GREB1: variants seen among roughly 807,000 people sequenced by gnomAD.
GREB1 encodes protein GREB1.
In GREB1, 106 loss-of-function variants were observed where a neutral mutation model predicts 200.7. The observed-to-expected ratio is 0.53, with a 90% CI of 0.45 to 0.62. The LOEUF is 0.62. GREB1 is among the 20% of genes least tolerant of loss of function. GREB1 has a pLI of 0.00. For synonymous variants in GREB1, 1,132 were observed against 1,092.4 expected, an observed-to-expected ratio of 1.04 and a Z score of -0.72; for missense variants, 2,243 against 2,556.8, an observed-to-expected ratio of 0.88 and a Z score of 2.65.
chr2:11,491,105 G>T lies in GREB1; in HGVS notation c.-159+8724G>T, dbSNP rs144939196. ...GTGGGTGGAGAGGTCTCTCACTGGG[G>T]CTCTGATTTGCTGTGGTGTGGATTT... On this transcript the variant is annotated intron_variant, in intron 1 of 2. Coordinates refer to the GREB1 transcript ENST00000628795. Among the ~76,000 whole-genome samples, 48 of 152,252 alleles carry T rather than the reference G, an allele frequency of 3.2e-4. 1 individual carries two copies. The East Asian group carries it at 8.9e-3, about 28-fold the overall frequency.
rs115239340 is a variant in GREB1, at chr2:11,502,949, A to G, written c.-159+20568A>G. On this transcript the variant is annotated intron_variant, in intron 1 of 2. Coordinates refer to the GREB1 transcript ENST00000628795. Reference sequence around the variant, plus strand: ...AAGGGGTGGAATTGAGATTCATACGAAGTCCATCCGACCTCCAGGCTGTGT... The same window carrying G: ...AAGGGGTGGAATTGAGATTCATACGGAGTCCATCCGACCTCCAGGCTGTGT... Among the ~76,000 whole-genome samples the G allele has an allele frequency of 5.4e-3, 828 of 152,240 alleles. 10 individuals are homozygous for G. Among genetic ancestry groups the G allele is most frequent in the African/African-American group, 0.019 (796 of 41,558 alleles).
chr2:11,503,266 AC>A (rs909222095), intron 1 of GREB1, among the ~76,000 whole-genome samples: 8 of 152,230 alleles, frequency 5.3e-5, no homozygotes, highest in African/African-American at 1.9e-4. Flanking sequence ...AGATTTTCAC[AC>A]GTTTATTACA....
intron 7 of GREB1, among the ~76,000 whole-genome samples, chr2:11,582,505 G>A (rs995799650): frequency 2.0e-5 from 3 of 152,180 alleles, no homozygotes; most frequent in Non-Finnish European, 2.9e-5. Context: ...CTATTAAATC[G>A]CCTTTCTGAG....
intron 13 of GREB1, among the ~76,000 whole-genome samples, chr2:11,596,656 A>C: frequency 2.2e-5 from 1 of 45,284 alleles, no homozygotes; most frequent in African/African-American, 9.2e-5. Context: ...ATACAGTGAG[A>C]GTAGGTGGGG....
intron 17 of GREB1, among the ~76,000 whole-genome samples, chr2:11,603,960 T>A (rs771094995): frequency 1.3e-4 from 20 of 152,224 alleles, no homozygotes; most frequent in African/African-American, 4.8e-4. Flanking sequence ...CAGAGTCACA[T>A]GGGGGGTTTA....
In GREB1 at chr2:11,598,760, G is replaced by A. The variant is rs1460648912; in HGVS notation, c.2233G>A (p.Glu745Lys). Reference protein sequence around the residue: ...VEQYVLKLDTEAQTKFKAFLQ... With the variant: ...VEQYVLKLDTKAQTKFKAFLQ... The stretch of plus-strand genomic sequence containing the variant: ...ACAGTATGTTCTGAAGCTAGACACG[G>A]AGGCACAGACAAAATTTAAGGCTTT... Residue 745 changes from glutamate to lysine, a missense_variant, in exon 15 of 33, where the codon GAG (glutamate) becomes AAG (lysine). Coordinates refer to ENST00000381486, the MANE Select transcript of GREB1 (RefSeq NM_014668.4). 1.9e-6 allele frequency: 3 copies of A among 1,614,072 alleles called. No individual in the cohort carries two copies. Among genetic ancestry groups the A allele is most frequent in the Admixed American group, 1.7e-5 (1 of 60,004 alleles).
intron 4 of GREB1, among the ~76,000 whole-genome samples, chr2:11,571,753 C>T (rs1441788647): frequency 1.3e-5 from 2 of 152,136 alleles, no homozygotes; most frequent in African/African-American, 4.8e-5. Context: ...CTCTGTCTCC[C>T]AGGCTGGAGT....
At chr2:11,534,789 TCTTCTCCTGGA>T (rs1674216446) in intron 1 of GREB1, among the ~76,000 whole-genome samples, 1 of 152,210 alleles carries the variant, frequency 6.6e-6, no homozygotes, top group Non-Finnish European at 1.5e-5. Flanking sequence ...TTCTTCTGTT[TCTTCTCCTGGA>T]TGTTGTTTTC....
chr2:11,638,214 C>T (rs1685537064), intron 31 of GREB1, among the ~76,000 whole-genome samples: 1 of 152,226 alleles, frequency 6.6e-6, no homozygotes, highest in South Asian at 2.1e-4. Flanking sequence ...GATCTCAGCT[C>T]ACTGCAGTCT....
At chr2:11,593,173 T>A in intron 11 of GREB1, 47 bp downstream of exon 11, 1 of 1,312,030 alleles carries the variant, frequency 7.6e-7, no homozygotes, top group Non-Finnish European at 1.0e-6. Flanking sequence ...TGAACGGTGT[T>A]CCCGGTCCCC....
intron 1 of GREB1, among the ~76,000 whole-genome samples, chr2:11,550,137 G>C (rs1266442771): frequency 6.6e-6 from 1 of 152,208 alleles, no homozygotes; most frequent in Non-Finnish European, 1.5e-5. Context: ...AGAATCGCTT[G>C]AACCTGAGAG....
chr2:11,551,637 G>A (rs1451707324), intron 1 of GREB1, among the ~76,000 whole-genome samples: 10 of 152,098 alleles, frequency 6.6e-5, no homozygotes, highest in South Asian at 2.1e-4. Flanking sequence ...TGGAGTTTTC[G>A]TGCCTTTGCA....
chr2:11,541,422 G>A (rs1355981519), intron 1 of GREB1, among the ~76,000 whole-genome samples: 3 of 151,314 alleles, frequency 2.0e-5, no homozygotes, highest in East Asian at 2.0e-4. Flanking sequence ...GTGGGCATCC[G>A]CGAGTGAGTG....
At chr2:11,635,040 G>A (rs1292648940) in intron 29 of GREB1, among the ~76,000 whole-genome samples, 1 of 152,226 alleles carries the variant, frequency 6.6e-6, no homozygotes, top group Non-Finnish European at 1.5e-5. Flanking sequence ...TTAAGCATGA[G>A]GTACACACTG....
intron 23 of GREB1, among the ~76,000 whole-genome samples, chr2:11,622,411 C>T (rs747187005): frequency 2.1e-4 from 32 of 152,182 alleles, no homozygotes; most frequent in Non-Finnish European, 2.9e-4. Context: ...AGGCATTTCT[C>T]CCCTGCCTTC....
chr2:11,581,768 G>A (rs1477606081), intron 7 of GREB1, among the ~76,000 whole-genome samples: 2 of 152,184 alleles, frequency 1.3e-5, no homozygotes, highest in African/African-American at 4.8e-5. Flanking sequence ...CTAGGCCAGC[G>A]CTGTTTTACA....
intron 23 of GREB1, among the ~76,000 whole-genome samples, chr2:11,622,279 C>T (rs1219588500): frequency 2.0e-5 from 3 of 152,162 alleles, no homozygotes; most frequent in Non-Finnish European, 4.4e-5. Context: ...CAGGGTTTCA[C>T]CATGTTGGCC....
upstream of GREB1, among the ~76,000 whole-genome samples, chr2:11,533,275 C>A (rs1215830221): frequency 6.6e-6 from 1 of 152,156 alleles, no homozygotes; most frequent in East Asian, 1.9e-4. Flanking sequence ...TTATGATCAG[C>A]AAAGAGATCA....
intron 1 of GREB1, among the ~76,000 whole-genome samples, chr2:11,515,334 T>C (rs1447144459): frequency 3.3e-5 from 5 of 152,216 alleles, no homozygotes; most frequent in African/African-American, 9.7e-5. Context: ...CTAGGCGTAG[T>C]GAGAGGAAAA....
Sources: allele counts gnomAD v4.1 joint callset (sites outside exome capture counted in the v4.1 genomes callset), GRCh38; gene constraint gnomAD v4.1.1; transcripts MANE v1.5; gene names NCBI Gene and HGNC (gene_info 2026-07-23, HGNC 2026-07-21).